NOTCH2: variants seen among roughly 807,000 people sequenced by gnomAD.
The protein encoded by NOTCH2 is notch receptor 2, also known as neurogenic locus notch homolog protein 2.
Under a neutral mutation model 235.8 loss-of-function variants are expected in NOTCH2, and 29 were observed. The ratio of observed to expected loss-of-function variants is 0.12; its 90% CI spans 0.09 to 0.17. NOTCH2 has a LOEUF of 0.17. NOTCH2 is among the 10% of genes least tolerant of loss of function. NOTCH2 has a pLI of 1.00. For synonymous variants in NOTCH2, 1,086 were observed against 1,141.5 expected (o/e 0.95, Z 0.98); for missense variants, 2,285 against 3,150.2 (o/e 0.73, Z 6.57).
chr1:119,953,745 GA>G lies in NOTCH2; in HGVS notation c.2220-58del, dbSNP rs1650576491. 3 of 1,472,076 alleles carry G rather than the reference GA, an allele frequency of 2.0e-6. No individual in the cohort carries two copies. The Middle Eastern group carries it at 5.1e-4, about 252-fold the overall frequency. 91.2% of individuals were successfully genotyped at this position (1,472,076 alleles called of 1,614,324 possible). ...GGTATAAACGTATGATTGAGTCATA[GA>G]GTGAAATACAGGACTTGGTGAAGAA... On this transcript the variant is annotated intron_variant, in intron 13 of 33. Coordinates refer to ENST00000256646, the MANE Select transcript of NOTCH2 (RefSeq NM_024408.4).
intron 1 of NOTCH2, among the ~76,000 whole-genome samples, chr1:120,058,210 T>C (rs1262346690): frequency 6.6e-6 from 1 of 152,050 alleles, no homozygotes; most frequent in Non-Finnish European, 1.5e-5. Flanking sequence ...GTTTAAAAAA[T>C]CAAGCTGCAA....
intron 5 of NOTCH2, among the ~76,000 whole-genome samples, chr1:119,974,218 C>A (rs782319665): frequency 6.6e-6 from 1 of 152,182 alleles, no homozygotes; most frequent in African/African-American, 2.4e-5. Flanking sequence ...TGTGTCAACA[C>A]ACAAACTTTG....
intron 5 of NOTCH2, among the ~76,000 whole-genome samples, chr1:119,981,892 A>G (rs964457716): frequency 1.3e-5 from 2 of 152,056 alleles, no homozygotes; most frequent in Non-Finnish European, 2.9e-5. Flanking sequence ...AATACCATAT[A>G]TAATTAAGTA....
chr1:119,984,853 A>G (rs1249163994), intron 5 of NOTCH2, among the ~76,000 whole-genome samples: 1 of 152,204 alleles, frequency 6.6e-6, no homozygotes, highest in Admixed American at 6.6e-5. Context: ...GGGAGTCCAG[A>G]GTAGAACATT....
intron 1 of NOTCH2, among the ~76,000 whole-genome samples, chr1:120,039,569 C>T (rs1212321526): frequency 2.0e-5 from 3 of 151,366 alleles, no homozygotes; most frequent in South Asian, 2.1e-4. Context: ...CCACCACATC[C>T]GGCTAATTTT....
intron 5 of NOTCH2, among the ~76,000 whole-genome samples, chr1:119,972,264 T>C (rs73004274): frequency 0.023 from 3,495 of 152,194 alleles, 145 homozygotes; most frequent in African/African-American, 0.08. Flanking sequence ...TTTGCTGTCT[T>C]ATAGTGCTAG....
intron 32 of NOTCH2, 70 bp downstream of exon 32, chr1:119,918,336 G>C (rs587684031): frequency 6.4e-7 from 1 of 1,560,162 alleles, no homozygotes; most frequent in Non-Finnish European, 8.8e-7. Flanking sequence ...TAAGGGTCAC[G>C]TAACTCTATT....
At position 119,941,510 on chromosome 1, in the gene NOTCH2, G is replaced by T; in HGVS notation, c.2981+16C>A. The T allele has an allele frequency of 6.4e-7, 1 of 1,559,374 alleles. No homozygotes were observed. Among genetic ancestry groups the T allele is most frequent in the Non-Finnish European group, 8.8e-7 (1 of 1,130,598 alleles). On this transcript the variant is annotated intron_variant, in intron 18 of 33. Coordinates refer to ENST00000256646, the MANE Select transcript of NOTCH2 (RefSeq NM_024408.4). ...TCTCTCGTAAGATGCTGATGCCCGA[G>T]GGACTGGTTGCTCACCTCTCAGTGC...
At chr1:119,930,298 A>T (rs1649611780) in intron 22 of NOTCH2, among the ~76,000 whole-genome samples, 1 of 152,006 alleles carries the variant, frequency 6.6e-6, no homozygotes, top group African/African-American at 2.4e-5. Flanking sequence ...AATGCTTTTT[A>T]TTTAACAAAA....
At chr1:119,968,290 G>GA in intron 6 of NOTCH2, 58 bp from the exon 7 acceptor site, 1 of 1,561,338 alleles carries the variant, frequency 6.4e-7, no homozygotes, top group Admixed American at 1.7e-5. Context: ...TTGGGGAAGA[G>GA]CTTTCTCTTT....
At chr1:119,953,808 C>A (rs1553198121) in intron 13 of NOTCH2, 120 bp from the exon 14 acceptor site, 7 of 898,670 alleles carry the variant, frequency 7.8e-6, no homozygotes, top group Non-Finnish European at 1.3e-5. Flanking sequence ...TTTCATGGAA[C>A]TATCCTTGCA....
chr1:120,028,806 G>A (rs1235505490), intron 2 of NOTCH2, among the ~76,000 whole-genome samples: 8 of 141,436 alleles, frequency 5.7e-5, no homozygotes, highest in Non-Finnish European at 1.1e-4. Flanking sequence ...AGGAAAAGAA[G>A]AGAAATTTCA....
intron 3 of NOTCH2, among the ~76,000 whole-genome samples, chr1:120,004,003 G>C (rs1226385938): frequency 6.6e-6 from 1 of 151,894 alleles, no homozygotes; most frequent in African/African-American, 2.4e-5. Context: ...ATGTAAAAGA[G>C]TTTGCAGTTT....
chr1:119,953,805 G>T, intron 13 of NOTCH2, 117 bp from the exon 14 acceptor site: 1 of 916,460 alleles, frequency 1.1e-6, no homozygotes, highest in Non-Finnish European at 1.8e-6. Context: ...TACTTTCATG[G>T]AACTATCCTT....
In NOTCH2 at chr1:119,999,942, A is replaced by G. The variant is rs587743885; in HGVS notation, c.416-2610T>C. Among the ~76,000 whole-genome samples, 13 of 117,270 alleles carry G rather than the reference A, an allele frequency of 1.1e-4. No individual in the cohort carries two copies. In the South Asian group the frequency reaches 3.9e-3, roughly 35 times the overall value. 76.9% of individuals were successfully genotyped at this position (117,270 alleles called of 152,430 possible). A position where few individuals can be genotyped will look rare whatever the true frequency, so the allele number is the denominator to read the frequency against. On this transcript the variant is annotated intron_variant, in intron 3 of 33. Coordinates refer to ENST00000256646, the MANE Select transcript of NOTCH2 (RefSeq NM_024408.4). ...GAGAAAGAAAGAAAGAAAGAAAGAA[A>G]GAAAGAAAGAAAGAAAGAAAGAAAG...
chr1:119,962,112 C>T (rs587610303), intron 11 of NOTCH2, among the ~76,000 whole-genome samples: 4 of 152,276 alleles, frequency 2.6e-5, no homozygotes, highest in Non-Finnish European at 4.4e-5. Flanking sequence ...CTACAGATCA[C>T]TCATATTGAC....
chr1:119,920,093 T>C (rs1649229453), intron 30 of NOTCH2, 136 bp downstream of exon 30: 1 of 914,242 alleles, frequency 1.1e-6, no homozygotes, highest in Admixed American at 2.2e-5. Context: ...TCCTTAAGCA[T>C]TCATTTCCTC....
chr1:119,968,028 C>T, intron 7 of NOTCH2, 49 bp downstream of exon 7: 1 of 1,608,224 alleles, frequency 6.2e-7, no homozygotes, highest in Non-Finnish European at 8.5e-7. Context: ...TAAACATTTG[C>T]TGAGCTCAAC....
intron 5 of NOTCH2, among the ~76,000 whole-genome samples, chr1:119,984,342 C>G (rs936170844): frequency 1.8e-4 from 28 of 152,152 alleles, no homozygotes; most frequent in African/African-American, 6.0e-4. Context: ...TAGATTCAAA[C>G]CCTAACCCAA....
Sources: allele counts gnomAD v4.1 joint callset (sites outside exome capture counted in the v4.1 genomes callset), GRCh38; gene constraint gnomAD v4.1.1; transcripts MANE v1.5; gene names NCBI Gene and HGNC (gene_info 2026-07-23, HGNC 2026-07-21).